The following SGCD variants were observed in gnomAD, a reference collection of about 807,000 sequenced individuals.
SGCD encodes delta-sarcoglycan.
SGCD carries 18 observed loss-of-function variants against 36.6 expected under a neutral mutation model. That is an observed-to-expected ratio of 0.49 (90% CI 0.34 to 0.73). SGCD has a LOEUF of 0.73. Among genes scored for constraint, SGCD ranks in the 30% least tolerant of loss-of-function variants. The pLI, the probability that SGCD is intolerant of heterozygous loss-of-function variation, is 0.01. For synonymous variants in SGCD, 133 were observed against 130.6 expected, an observed-to-expected ratio of 1.02 and a Z score of -0.12; for missense variants, 387 against 346.7, an observed-to-expected ratio of 1.12 and a Z score of -0.92.
intron 1 of SGCD, among the ~76,000 whole-genome samples, chr5:156,095,383 A>G (rs188957647): frequency 3.6e-4 from 55 of 152,360 alleles, no homozygotes; most frequent in Admixed American, 2.6e-3. Flanking sequence ...CAAGTGAGAT[A>G]GTGAATCAGG....
intron 4 of SGCD, among the ~76,000 whole-genome samples, chr5:156,554,910 T>G: frequency 6.6e-6 from 1 of 152,158 alleles, no homozygotes; most frequent in Non-Finnish European, 1.5e-5. Flanking sequence ...TTGTTTTCTG[T>G]TTCCATTACA....
At chr5:156,195,119 A>T (rs1334259025) in intron 3 of SGCD, among the ~76,000 whole-genome samples, 1 of 152,222 alleles carries the variant, frequency 6.6e-6, no homozygotes, top group Non-Finnish European at 1.5e-5. Context: ...CTCTGTTTCC[A>T]TTGTAAATGG....
the SGCD span, among the ~76,000 whole-genome samples, chr5:155,828,322 C>G: frequency 6.6e-6 from 1 of 152,108 alleles, no homozygotes; most frequent in Non-Finnish European, 1.5e-5. Flanking sequence ...TGTGGTAAAG[C>G]CAGAATTTAA....
intron 1 of SGCD, among the ~76,000 whole-genome samples, chr5:156,018,166 T>C (rs986241581): frequency 2.0e-5 from 3 of 152,116 alleles, no homozygotes; most frequent in Non-Finnish European, 2.9e-5. Context: ...AGTAAATGAA[T>C]GAATCAATGA....
In SGCD at chr5:156,581,213, G is replaced by A. The variant is rs140865655; in HGVS notation, c.295-8018G>A. Among the ~76,000 whole-genome samples the A allele has an allele frequency of 3.5e-3, 534 of 152,344 alleles. 2 individuals are homozygous for A. Among genetic ancestry groups the A allele is most frequent in the African/African-American group, 0.012 (499 of 41,576 alleles). ...GGTCCACTCCAGACCCTGTTTGCCT[G>A]AGTATCGCCAGCGGAGGCTGCAGAA... On this transcript the variant is annotated intron_variant, in intron 4 of 8. Transcript: ENST00000337851.
intron 1 of SGCD, among the ~76,000 whole-genome samples, chr5:156,102,671 C>T (rs1456738671): frequency 3.9e-5 from 6 of 152,168 alleles, no homozygotes; most frequent in Admixed American, 3.3e-4. Flanking sequence ...AAGTCTGTGG[C>T]TTCTCTGCCA....
the SGCD span, among the ~76,000 whole-genome samples, chr5:155,728,648 C>T: frequency 6.6e-6 from 1 of 152,160 alleles, no homozygotes; most frequent in Admixed American, 6.5e-5. Context: ...GCGCCGGCCC[C>T]TATTCCGTTG....
chr5:156,646,786 G>A (rs944999497), intron 6 of SGCD, among the ~76,000 whole-genome samples: 2 of 152,140 alleles, frequency 1.3e-5, no homozygotes, highest in Non-Finnish European at 2.9e-5. Flanking sequence ...TCAGATAATT[G>A]CTATCTTTAT....
the SGCD span, among the ~76,000 whole-genome samples, chr5:155,742,686 T>C: frequency 6.6e-6 from 1 of 152,188 alleles, no homozygotes; most frequent in African/African-American, 2.4e-5. Context: ...CTCCAGCAGA[T>C]ACCAGATGGG....
Position 156,662,079 on chromosome 5 carries a change from G to A in SGCD, c.575+14543G>A, listed in dbSNP as rs181635936. ...TAATTTAATTTCTTTTGTTGCCTCT[G>A]GGGTTAATATTCTTTGACTATTTAA... On this transcript the variant is annotated intron_variant, in intron 7 of 8. Coordinates refer to ENST00000337851, the MANE Select transcript of SGCD (RefSeq NM_000337.6). Among the ~76,000 whole-genome samples, 7 of 149,356 alleles carry A rather than the reference G, an allele frequency of 4.7e-5. No homozygotes were observed. The East Asian group carries it at 1.4e-3, about 29-fold the overall frequency.
At chr5:156,397,610 TG>T (rs752827544) in intron 3 of SGCD, among the ~76,000 whole-genome samples, 2 of 152,334 alleles carry the variant, frequency 1.3e-5, no homozygotes, top group East Asian at 3.9e-4. Context: ...ACCTGTGGCA[TG>T]CCAGACACAG....
intron 1 of SGCD, among the ~76,000 whole-genome samples, chr5:156,085,994 A>G (rs1259766844): frequency 6.6e-6 from 1 of 152,214 alleles, no homozygotes; most frequent in African/African-American, 2.4e-5. Flanking sequence ...GAACGTTTTA[A>G]AAGGATTCCA....
intron 3 of SGCD, among the ~76,000 whole-genome samples, chr5:156,251,654 A>G (rs1427715732): frequency 6.6e-6 from 1 of 151,670 alleles, no homozygotes; most frequent in Non-Finnish European, 1.5e-5. Context: ...AGCTGGGACT[A>G]CAGGCACCCG....
chr5:156,470,457 A>T (rs953421426), intron 3 of SGCD, among the ~76,000 whole-genome samples: 4 of 152,052 alleles, frequency 2.6e-5, no homozygotes, highest in Admixed American at 6.6e-5. Flanking sequence ...CTCGTCATTT[A>T]GCATTAGTTA....
chr5:156,554,909 G>C (rs1477543663), intron 4 of SGCD, among the ~76,000 whole-genome samples: 1 of 151,970 alleles, frequency 6.6e-6, no homozygotes, highest in African/African-American at 2.4e-5. Flanking sequence ...CTTGTTTTCT[G>C]TTTCCATTAC....
At chr5:156,617,369 T>C (rs1278255248) in intron 6 of SGCD, among the ~76,000 whole-genome samples, 6 of 152,158 alleles carry the variant, frequency 3.9e-5, no homozygotes, top group African/African-American at 1.2e-4. Flanking sequence ...TACCTTGAGA[T>C]AGAACTAATG....
chr5:155,967,821 C>T (rs1757932680), intron 1 of SGCD, among the ~76,000 whole-genome samples: 1 of 152,062 alleles, frequency 6.6e-6, no homozygotes, highest in Non-Finnish European at 1.5e-5. Context: ...GTGTGGCGCT[C>T]CTGGAACCAG....
intron 1 of SGCD, among the ~76,000 whole-genome samples, chr5:155,892,455 A>T (rs1418590188): frequency 2.5e-5 from 1 of 39,596 alleles, no homozygotes; most frequent in Non-Finnish European, 4.9e-5. Flanking sequence ...CTCCATCTGA[A>T]AAAGAAAAAA....
At chr5:156,312,746 A>G (rs1050749487) in intron 3 of SGCD, among the ~76,000 whole-genome samples, 1 of 152,114 alleles carries the variant, frequency 6.6e-6, no homozygotes, top group African/African-American at 2.4e-5. Context: ...GAATTTTTAT[A>G]AAGATTAAGT....
Sources: allele counts gnomAD v4.1 joint callset (sites outside exome capture counted in the v4.1 genomes callset), GRCh38; gene constraint gnomAD v4.1.1; transcripts MANE v1.5; gene names NCBI Gene and HGNC (gene_info 2026-07-23, HGNC 2026-07-21).